FYB1: variants seen among roughly 807,000 people sequenced by gnomAD.
FYB1 encodes the protein FYN binding protein 1, also known as FYN-binding protein 1.
Under a neutral mutation model 94.1 loss-of-function variants are expected in FYB1, and 41 were observed. The ratio of observed to expected loss-of-function variants is 0.44; its 90% CI spans 0.34 to 0.57. The LOEUF is 0.57. FYB1 is among the 20% of genes least tolerant of loss of function. FYB1 has a pLI of 0.02. For synonymous variants in FYB1, 367 were observed against 353.2 expected (o/e 1.04, Z -0.44); for missense variants, 1,050 against 976.8 (o/e 1.07, Z -1.00).
At chr5:39,261,433 CAG>C (rs1206746932) in intron 1 of FYB1, among the ~76,000 whole-genome samples, 1 of 150,536 alleles carries the variant, frequency 6.6e-6, no homozygotes, top group African/African-American at 2.4e-5. Flanking sequence ...TATATGAATC[CAG>C]AGCAAAAGAG....
Position 39,152,794 on chromosome 5 carries a change from C to T in FYB1, c.1292+654G>A, listed in dbSNP as rs567402970. 1.3e-3 allele frequency among the ~76,000 whole-genome samples: 193 copies of T among 152,266 alleles called. 1 individual carries two copies. Among genetic ancestry groups the T allele is most frequent in the Middle Eastern group, 6.8e-3 (2 of 294 alleles). ...TGAATAAAAGTTTCCTAGATGTTAA[C>T]GCCCAGCCAAAAATTCTGATGGATG... On this transcript the variant is annotated intron_variant, in intron 3 of 18. Coordinates refer to ENST00000512982, the MANE Select transcript of FYB1 (RefSeq NM_001465.6).
At chr5:39,203,355 A>G (rs1258724156) in intron 1 of FYB1, among the ~76,000 whole-genome samples, 1 of 152,210 alleles carries the variant, frequency 6.6e-6, no homozygotes, top group African/African-American at 2.4e-5. Context: ...CTAAAAAAAG[A>G]TTTCTTCCAT....
intron 16 of FYB1, among the ~76,000 whole-genome samples, chr5:39,117,056 C>T (rs191254876): frequency 3.5e-4 from 54 of 152,162 alleles, no homozygotes; most frequent in African/African-American, 1.3e-3. Flanking sequence ...GTCTGTATGA[C>T]AACTACTAGG....
intron 18 of FYB1, among the ~76,000 whole-genome samples, chr5:39,107,671 A>G (rs1738652557): frequency 6.6e-6 from 1 of 152,016 alleles, no homozygotes; most frequent in Admixed American, 6.6e-5. Flanking sequence ...ATTTCTGGAC[A>G]GATTTATTCT....
intron 1 of FYB1, among the ~76,000 whole-genome samples, chr5:39,264,266 G>A (rs765517139): frequency 2.6e-5 from 4 of 152,182 alleles, no homozygotes; most frequent in Non-Finnish European, 5.9e-5. Flanking sequence ...GAAGCCAAAA[G>A]AGCTTATTTG....
intron 1 of FYB1, chr5:39,274,268 C>A (rs77386350): frequency 1.3e-5 from 2 of 152,192 alleles, no homozygotes; most frequent in African/African-American, 4.8e-5. Context: ...TTATAAACTC[C>A]GATACATTTT....
At chr5:39,180,194 A>ATAT (rs1371406563) in intron 2 of FYB1, among the ~76,000 whole-genome samples, 1 of 152,172 alleles carries the variant, frequency 6.6e-6, no homozygotes, top group Non-Finnish European at 1.5e-5. Context: ...AATGTTTGCC[A>ATAT]TGTCCAGAAT....
intron 1 of FYB1, among the ~76,000 whole-genome samples, chr5:39,237,270 T>C (rs534547603): frequency 2.6e-5 from 4 of 152,200 alleles, no homozygotes; most frequent in South Asian, 4.1e-4. Flanking sequence ...AGGGGGATGT[T>C]ACAATAATCT....
At chr5:39,135,035 T>C (rs1309365028) in intron 7 of FYB1, 21 bp from the exon 8 acceptor site, 10 of 1,607,834 alleles carry the variant, frequency 6.2e-6, no homozygotes, top group Non-Finnish European at 8.5e-6. Context: ...AAAAAAATAG[T>C]CACAAAAGAT....
intron 16 of FYB1, among the ~76,000 whole-genome samples, chr5:39,111,103 G>T: frequency 6.6e-6 from 1 of 151,912 alleles, no homozygotes; most frequent in East Asian, 1.9e-4. Flanking sequence ...TGTTGTTGTT[G>T]TTGTGTGAGG....
chr5:39,130,450 CATG>C lies in FYB1; in HGVS notation c.1840+137_1840+139del, dbSNP rs1741089910. The stretch of plus-strand genomic sequence containing the variant: ...TCAACACATAAAAATGATAAATGCT[CATG>C]ATGATGGATAGCCTAAATACGCTGA... On this transcript the variant is annotated intron_variant, in intron 10 of 18. Coordinates refer to ENST00000512982, the MANE Select transcript of FYB1 (RefSeq NM_001465.6). 4 of 660,300 alleles carry C rather than the reference CATG, an allele frequency of 6.1e-6. No homozygotes were observed. The African/African-American group carries it at 7.3e-5, about 12-fold the overall frequency. 40.9% of individuals were successfully genotyped at this position (660,300 alleles called of 1,614,324 possible).
Position 39,201,992 on chromosome 5 carries a change from C to T in FYB1, c.969G>A (p.Gly323=). Residue 323 remains glycine (G), a synonymous_variant, in exon 2 of 19, where the codon GGG becomes GGA. Coordinates refer to ENST00000512982, the MANE Select transcript of FYB1 (RefSeq NM_001465.6). ...TTTCCTGACTTTGGCCCCATGGCCC[C>T]CCCACTGTCAGCTTAGAAGGGGCCT... is the stretch of plus-strand genomic sequence containing the variant. ...FPKAPSKLTV[G]GPWGQSQEKE... 6.2e-7 allele frequency: 1 copy of T among 1,614,016 alleles called. No homozygotes were observed. Among genetic ancestry groups the T allele is most frequent in the African/African-American group, 1.3e-5 (1 of 75,054 alleles).
chr5:39,259,731 A>C (rs1221852479), intron 1 of FYB1, among the ~76,000 whole-genome samples: 1 of 152,228 alleles, frequency 6.6e-6, no homozygotes, highest in African/African-American at 2.4e-5. Context: ...AACAGAATAT[A>C]AGAATATTTA....
At chr5:39,160,107 A>T (rs1744114352) in intron 2 of FYB1, among the ~76,000 whole-genome samples, 1 of 152,214 alleles carries the variant, frequency 6.6e-6, no homozygotes, top group African/African-American at 2.4e-5. Context: ...TTAAATTCAG[A>T]TTCAACCACT....
chr5:39,181,622 A>G (rs1178866611), intron 2 of FYB1, among the ~76,000 whole-genome samples: 1 of 152,090 alleles, frequency 6.6e-6, no homozygotes, highest in African/African-American at 2.4e-5. Context: ...CCTCAAATTG[A>G]ACATGTTCAA....
intron 1 of FYB1, among the ~76,000 whole-genome samples, chr5:39,244,692 T>C (rs1412387336): frequency 6.6e-6 from 1 of 152,204 alleles, no homozygotes; most frequent in Non-Finnish European, 1.5e-5. Context: ...TTTCTATTGA[T>C]TGGAATAGTT....
At chr5:39,264,424 C>T (rs1426944745) in intron 1 of FYB1, among the ~76,000 whole-genome samples, 2 of 152,172 alleles carry the variant, frequency 1.3e-5, no homozygotes, top group Non-Finnish European at 2.9e-5. Flanking sequence ...TGTTTACGAG[C>T]TACCCAGTCT....
At chr5:39,265,498 G>A (rs1031708883) in intron 1 of FYB1, among the ~76,000 whole-genome samples, 141 of 123,714 alleles carry the variant, frequency 1.1e-3, no homozygotes, top group East Asian at 9.7e-3. Flanking sequence ...AAAAAAAAAA[G>A]AAAAAAAAAT....
chr5:39,145,919 T>C (rs1295388768), intron 3 of FYB1, among the ~76,000 whole-genome samples: 1 of 148,712 alleles, frequency 6.7e-6, no homozygotes, highest in Non-Finnish European at 1.5e-5. Context: ...TTTCTTTTTT[T>C]TTCTTTTTTT....
Sources: gnomAD v4.1 joint callset for allele counts (sites outside exome capture counted in the v4.1 genomes callset) on GRCh38, gnomAD v4.1.1 for gene constraint, MANE v1.5 for transcripts, NCBI Gene and HGNC (gene_info 2026-07-23, HGNC 2026-07-21) for gene names.